The following TSGA10 variants were observed in gnomAD, a reference collection of about 807,000 sequenced individuals.
TSGA10 encodes testis-specific gene 10 protein.
A neutral mutation model predicts 96.6 loss-of-function variants in TSGA10; 43 were observed. The observed-to-expected ratio is 0.44, with a 90% CI of 0.35 to 0.57. The LOEUF (loss-of-function observed/expected upper bound fraction) is 0.57. Among genes scored for constraint, TSGA10 ranks in the 20% least tolerant of loss-of-function variants. TSGA10 has a pLI of 0.01. For synonymous variants in TSGA10, 229 were observed against 269.9 expected (o/e 0.85, Z 1.48); for missense variants, 703 against 834.4 (o/e 0.84, Z 1.94).
At chr2:99,078,598 TA>T (rs2104574164) in intron 12 of TSGA10, 60 bp downstream of exon 12, 1 of 1,471,568 alleles carries the variant, frequency 6.8e-7, no homozygotes, top group East Asian at 2.3e-5. Flanking sequence ...TTTTAAACCA[TA>T]GTTTAACATT....
At position 99,108,928 on chromosome 2, in the gene TSGA10, T is replaced by C. The variant is rs370800957; in HGVS notation, c.115A>G (p.Met39Val). 2 of 1,608,702 alleles carry C rather than the reference T, an allele frequency of 1.2e-6. No individual in the cohort carries two copies. The highest frequency in any genetic ancestry group is 3.3e-4 in the Middle Eastern group (2 of 6,034). The change falls in exon 7 of 21, where the codon ATG becomes GTG. Residue 39 changes from methionine (M) to valine (V), a missense_variant. Transcript: ENST00000393483. The part of the protein sequence containing the change: ...TTRDREELKC[M>V]LEKYERHLAE... ...AAATGGCGCTCATATTTTTCCAGCA[T>C]GCATTTAAGTTCTTCACGATCTCTT... is the stretch of plus-strand genomic sequence containing the variant.
intron 16 of TSGA10, among the ~76,000 whole-genome samples, chr2:99,063,666 C>CA (rs1034748493): frequency 1.3e-5 from 2 of 151,768 alleles, no homozygotes; most frequent in African/African-American, 4.8e-5. Flanking sequence ...ACTAGTTGGC[C>CA]AGGGTGGTGC....
chr2:99,065,890 TAAG>T (rs2085212515), intron 15 of TSGA10, among the ~76,000 whole-genome samples: 1 of 152,062 alleles, frequency 6.6e-6, no homozygotes. Flanking sequence ...AGTAGGGAAA[TAAG>T]GAGGGAAAAA....
intron 17 of TSGA10, among the ~76,000 whole-genome samples, chr2:99,022,439 GAAAC>G (rs1233904422): frequency 6.6e-6 from 1 of 151,036 alleles, no homozygotes; most frequent in East Asian, 1.9e-4. Flanking sequence ...CATATAAACG[GAAAC>G]AAACAATGTG....
At chr2:99,012,324 C>A (rs1206799172) in intron 20 of TSGA10, among the ~76,000 whole-genome samples, 1 of 152,090 alleles carries the variant, frequency 6.6e-6, no homozygotes, top group Non-Finnish European at 1.5e-5. Context: ...CAGAACAATA[C>A]CTAACATCTT....
chr2:99,079,475 C>T (rs2087159928), intron 11 of TSGA10, among the ~76,000 whole-genome samples: 1 of 152,182 alleles, frequency 6.6e-6, no homozygotes, highest in South Asian at 2.1e-4. Context: ...AATGTACATT[C>T]TTATGCCTCC....
chr2:99,078,211 C>G (rs751414569), intron 12 of TSGA10, among the ~76,000 whole-genome samples: 1 of 140,738 alleles, frequency 7.1e-6, no homozygotes, highest in Non-Finnish European at 1.5e-5. Flanking sequence ...GCGGAGCTTG[C>G]AGTAAGCCGA....
intron 16 of TSGA10, among the ~76,000 whole-genome samples, chr2:99,064,632 T>C (rs556457679): frequency 1.3e-5 from 2 of 152,316 alleles, no homozygotes; most frequent in East Asian, 1.9e-4. Context: ...GAAGCAAACA[T>C]GGCAAAATGT....
chr2:99,141,676 A>G (rs1293594553), intron 1 of TSGA10: 2 of 152,632 alleles, frequency 1.3e-5, no homozygotes, highest in Non-Finnish European at 2.9e-5. Flanking sequence ...AGGCTGCCGC[A>G]CCTGGATGGA....
At chr2:99,007,059 G>GC (rs1251228564) in intron 20 of TSGA10, among the ~76,000 whole-genome samples, 1 of 151,600 alleles carries the variant, frequency 6.6e-6, no homozygotes, top group African/African-American at 2.4e-5. Context: ...ACCAAACACC[G>GC]CATGTTCTCA....
intron 11 of TSGA10, among the ~76,000 whole-genome samples, chr2:99,079,219 GT>G (rs1401036345): frequency 6.6e-6 from 1 of 152,066 alleles, no homozygotes; most frequent in Admixed American, 6.6e-5. Flanking sequence ...TATAAAGTTG[GT>G]AAGTAACAAA....
chr2:99,148,397 A>T (rs955501812), intron 1 of TSGA10: 4 of 152,336 alleles, frequency 2.6e-5, no homozygotes, highest in Admixed American at 6.5e-5. Context: ...GAGATATTAA[A>T]AAATTTAGCT....
chr2:99,001,873 A>T (rs2077951961), intron 20 of TSGA10, among the ~76,000 whole-genome samples: 1 of 152,192 alleles, frequency 6.6e-6, no homozygotes, highest in African/African-American at 2.4e-5. Flanking sequence ...ATCAAGTGGA[A>T]GAAAAGGTAT....
In TSGA10 at chr2:99,113,568, T is replaced by C. The variant is rs542312446; in HGVS notation, c.-139-2653A>G. ...GCTTTTTTGTTGTTGTTTTTTGAGA[T>C]CGAGTCTCTCTTTGTCATCCAGGCT... On this transcript the variant is annotated intron_variant, in intron 4 of 20. Transcript: ENST00000393483. Among the ~76,000 whole-genome samples, 7 of 152,282 alleles carry C rather than the reference T, an allele frequency of 4.6e-5. No homozygotes were observed. The East Asian group carries it at 1.4e-3, about 29-fold the overall frequency.
intron 12 of TSGA10, among the ~76,000 whole-genome samples, chr2:99,077,385 T>C (rs1215895130): frequency 6.6e-6 from 1 of 152,088 alleles, no homozygotes; most frequent in Non-Finnish European, 1.5e-5. Flanking sequence ...GATGGAAACA[T>C]AAATTAATGA....
chr2:99,138,113 G>T (rs1245019351), intron 1 of TSGA10, among the ~76,000 whole-genome samples: 1 of 152,164 alleles, frequency 6.6e-6, no homozygotes, highest in East Asian at 1.9e-4. Context: ...CATTATAGCA[G>T]CCTGAATGGA....
chr2:99,044,276 A>T (rs2104266078), intron 16 of TSGA10, among the ~76,000 whole-genome samples: 1 of 151,668 alleles, frequency 6.6e-6, no homozygotes. Flanking sequence ...TATTCAGGAG[A>T]TCCATCTCAC....
chr2:99,107,339 G>A (rs1163812093), intron 7 of TSGA10, among the ~76,000 whole-genome samples: 1 of 151,988 alleles, frequency 6.6e-6, no homozygotes, highest in Non-Finnish European at 1.5e-5. Context: ...TTCTCTCAAA[G>A]GAGAAATTGT....
intron 10 of TSGA10, among the ~76,000 whole-genome samples, chr2:99,096,087 T>G (rs2090001581): frequency 6.6e-6 from 1 of 152,256 alleles, no homozygotes; most frequent in African/African-American, 2.4e-5. Context: ...TTTTAAATTT[T>G]AAGTCAAAAT....
Sources: gnomAD v4.1 joint callset for allele counts (sites outside exome capture counted in the v4.1 genomes callset) on GRCh38, gnomAD v4.1.1 for gene constraint, MANE v1.5 for transcripts, NCBI Gene and HGNC (gene_info 2026-07-23, HGNC 2026-07-21) for gene names.